The following ZNF827 variants were observed in gnomAD, a reference collection of about 807,000 sequenced individuals.
The protein encoded by ZNF827 is zinc finger protein 827.
ZNF827 carries 13 observed loss-of-function variants against 102.4 expected under a neutral mutation model. That is an observed-to-expected ratio of 0.13 (90% CI 0.08 to 0.20). The LOEUF is 0.20. ZNF827 is among the 10% of genes least tolerant of loss of function. ZNF827 has a pLI of 1.00. For missense variants in ZNF827, 1,103 were observed against 1,344.4 expected (o/e 0.82, Z 2.81); for synonymous variants, 523 against 536.2 (o/e 0.98, Z 0.34).
At chr4:145,856,824 TTTAA>T (rs1348354967) in intron 5 of ZNF827, among the ~76,000 whole-genome samples, 4 of 152,162 alleles carry the variant, frequency 2.6e-5, no homozygotes, top group Non-Finnish European at 5.9e-5. Flanking sequence ...AAATTAATTC[TTTAA>T]TTAATTCATT....
chr4:145,798,113 G>A (rs1187425751), intron 8 of ZNF827, among the ~76,000 whole-genome samples: 1 of 152,212 alleles, frequency 6.6e-6, no homozygotes, highest in Non-Finnish European at 1.5e-5. Flanking sequence ...GCATACTGGA[G>A]TGTGGCTTCC....
chr4:145,816,469 A>G (rs1742606644), intron 8 of ZNF827, among the ~76,000 whole-genome samples: 1 of 152,242 alleles, frequency 6.6e-6, no homozygotes, highest in Non-Finnish European at 1.5e-5. Flanking sequence ...ATGCTGGTCT[A>G]TAGGGGCTGA....
At chr4:145,818,631 G>C (rs551753493) in intron 8 of ZNF827, among the ~76,000 whole-genome samples, 21 of 152,338 alleles carry the variant, frequency 1.4e-4, no homozygotes, top group Non-Finnish European at 2.5e-4. Flanking sequence ...GAAGAAAATA[G>C]TTTGCTATAA....
chr4:145,921,005 A>G (rs1753024597), intron 1 of ZNF827, among the ~76,000 whole-genome samples: 1 of 152,246 alleles, frequency 6.6e-6, no homozygotes, highest in African/African-American at 2.4e-5. Context: ...ACACAAAGTT[A>G]TTATGATAGA....
intron 1 of ZNF827, among the ~76,000 whole-genome samples, chr4:145,913,857 TAGA>T (rs1218872779): frequency 1.3e-5 from 2 of 152,216 alleles, no homozygotes; most frequent in African/African-American, 4.8e-5. Flanking sequence ...CAATACTTCT[TAGA>T]AGATCAGTAA....
chr4:145,938,591 G>T lies in ZNF827; in HGVS notation c.-184C>A. The T allele has an allele frequency of 2.2e-5, 12 of 537,574 alleles. No individual in the cohort carries two copies. The highest frequency in any genetic ancestry group is 3.8e-5 in the African/African-American group (2 of 52,346). 33.3% of individuals were successfully genotyped at this position (537,574 alleles called of 1,614,324 possible). ...GCTTGTTTCCTGGAGCCAGAAGAGG[G>T]GTTTTCTTCTTTTCTTTCCTTTCTT... is the stretch of plus-strand genomic sequence containing the variant. On this transcript the variant is annotated 5_prime_UTR_variant, in exon 1 of 15. Transcript: ENST00000508784.
At chr4:145,849,734 C>T (rs1033610154) in intron 5 of ZNF827, among the ~76,000 whole-genome samples, 173 bp from the exon 6 acceptor site, 1 of 152,198 alleles carries the variant, frequency 6.6e-6, no homozygotes, top group Admixed American at 6.5e-5. Context: ...CATCTAATAC[C>T]AGAAAAGGTA....
chr4:145,927,435 C>T (rs759458038), intron 1 of ZNF827, among the ~76,000 whole-genome samples: 24 of 152,024 alleles, frequency 1.6e-4, no homozygotes, highest in Non-Finnish European at 3.1e-4. Context: ...GAGAGTAGGA[C>T]CAATAGGGTA....
chr4:145,903,364 C>G, intron 1 of ZNF827, 149 bp from the exon 2 acceptor site: 2 of 1,410,578 alleles, frequency 1.4e-6, no homozygotes, highest in African/African-American at 1.4e-5. Flanking sequence ...GAATGTCAGA[C>G]AGACTTGGCA....
intron 4 of ZNF827, among the ~76,000 whole-genome samples, chr4:145,884,549 C>T (rs1749944258): frequency 6.6e-6 from 1 of 152,142 alleles, no homozygotes; most frequent in African/African-American, 2.4e-5. Context: ...GACCTTTCCC[C>T]ACCCCCTACA....
chr4:145,865,137 G>C (rs950710957), intron 5 of ZNF827, among the ~76,000 whole-genome samples: 14 of 152,108 alleles, frequency 9.2e-5, no homozygotes, highest in Admixed American at 8.5e-4. Context: ...CATTGCTCAG[G>C]AATAATCATG....
intron 8 of ZNF827, among the ~76,000 whole-genome samples, chr4:145,786,626 T>C (rs1393979299): frequency 1.3e-5 from 2 of 152,188 alleles, no homozygotes; most frequent in Non-Finnish European, 2.9e-5. Context: ...GCAGAGGGCA[T>C]GGAACTTTCT....
chr4:145,898,209 G>A (rs1161339297), intron 2 of ZNF827, among the ~76,000 whole-genome samples: 2 of 152,096 alleles, frequency 1.3e-5, no homozygotes, highest in Non-Finnish European at 1.5e-5. Flanking sequence ...CAGGAGAGGT[G>A]ATCTCCCTCT....
intron 8 of ZNF827, among the ~76,000 whole-genome samples, chr4:145,810,638 A>C (rs1741917378): frequency 6.6e-6 from 1 of 152,184 alleles, no homozygotes; most frequent in South Asian, 2.1e-4. Context: ...CTCTTTTTTA[A>C]AACATAATGG....
chr4:145,765,611 C>T lies in ZNF827; in HGVS notation c.2988G>A (p.Leu996=). The part of the protein sequence containing the change: ...GSQKNKGGNN[L]LVISVMPGSQ... ...TCCCAGGCATGACAGAGATGACCAG[C>T]AGATTGTTCCCGCCCTTGTTTTTCT... Residue 996 remains leucine, a synonymous_variant, in exon 12 of 15, where the codon CTG becomes CTA. Transcript: ENST00000508784. This position sits in a 1 kb window ranked among gnomAD's most constrained non-coding sequence, Gnocchi z 4.7. 6.2e-7 allele frequency: 1 copy of T among 1,614,134 alleles called. No individual in the cohort carries two copies. Among genetic ancestry groups the T allele is most frequent in the East Asian group, 2.2e-5 (1 of 44,874 alleles).
chr4:145,848,934 G>C (rs547244273), intron 6 of ZNF827, among the ~76,000 whole-genome samples: 1 of 152,022 alleles, frequency 6.6e-6, no homozygotes, highest in South Asian at 2.1e-4. Flanking sequence ...CACTAATTTG[G>C]AAGTCATAGT....
In ZNF827 at chr4:145,762,085, TA is replaced by T. The variant is rs1362372266; in HGVS notation, c.*18-488del. Among the ~76,000 whole-genome samples the T allele has an allele frequency of 2.0e-5, 3 of 152,228 alleles. No homozygotes were observed. Among genetic ancestry groups the T allele is most frequent in the East Asian group, 3.9e-4 (2 of 5,172 alleles). ...CTAAGAGGTTTTAAAGAACAGCTTATAGGGGGAGCGCTACCTCCAGCAAACA... is the reference window on the plus strand; with the variant it reads ...CTAAGAGGTTTTAAAGAACAGCTTATGGGGGAGCGCTACCTCCAGCAAACA... On this transcript the variant is annotated intron_variant, in intron 14 of 14. Transcript: ENST00000508784. The surrounding 1 kb of genome is among the most constrained non-coding windows in gnomAD (Gnocchi z 4.9).
intron 5 of ZNF827, among the ~76,000 whole-genome samples, chr4:145,850,772 G>A (rs936549605): frequency 1.3e-5 from 2 of 152,190 alleles, no homozygotes; most frequent in African/African-American, 4.8e-5. Flanking sequence ...AGAGGATTTT[G>A]ATAGTTGAAC....
At chr4:145,810,417 T>G (rs892643907) in intron 8 of ZNF827, among the ~76,000 whole-genome samples, 1 of 152,220 alleles carries the variant, frequency 6.6e-6, no homozygotes, top group Non-Finnish European at 1.5e-5. Flanking sequence ...TTTCCCACTT[T>G]ACTTTTTTAA....
Sources: gnomAD v4.1 joint callset for allele counts (sites outside exome capture counted in the v4.1 genomes callset) on GRCh38, gnomAD v4.1.1 for gene constraint, Gnocchi (gnomAD v3.1) non-coding constraint, MANE v1.5 for transcripts, NCBI Gene and HGNC (gene_info 2026-07-23, HGNC 2026-07-21) for gene names.